Variants in TSPEAR observed in about 807,000 individuals in gnomAD.
TSPEAR encodes thrombospondin type laminin G domain and EAR repeats.
In TSPEAR, 69 loss-of-function variants were observed where a neutral mutation model predicts 71.6. The ratio of observed to expected loss-of-function variants is 0.96; its 90% CI spans 0.79 to 1.18. The LOEUF is 1.18. TSPEAR is among the 50% of genes most tolerant of loss of function. The probability of loss-of-function intolerance (pLI) is 0.00; values close to 1 mark genes in which losing one functional copy is unlikely to be tolerated. For missense variants in TSPEAR, 971 were observed against 894.9 expected (o/e 1.09, Z -1.09); for synonymous variants, 402 against 387.2 (o/e 1.04, Z -0.45).
At chr21:44,510,818 A>C (rs1161873109) in intron 9 of TSPEAR, 3 of 152,312 alleles carry the variant, frequency 2.0e-5, no homozygotes, top group African/African-American at 7.2e-5. Flanking sequence ...AAGCTAAGAA[A>C]GCAAGACTCA....
Position 44,553,081 on chromosome 21 carries a change from C to G in TSPEAR, c.303+14704G>C, listed in dbSNP as rs587709351. On this transcript the variant is annotated intron_variant, in intron 2 of 11. Coordinates refer to ENST00000323084, the MANE Select transcript of TSPEAR (RefSeq NM_144991.3). The stretch of plus-strand genomic sequence containing the variant: ...GCTTCGGTGATCTTAGAAAATGACC[C>G]CCTAGTAGCACTGATGATGAAGCTG... 1.9e-4 allele frequency among the ~76,000 whole-genome samples: 29 copies of G among 152,328 alleles called. No individual in the cohort carries two copies. In the East Asian group the frequency reaches 5.6e-3, roughly 29 times the overall value.
chr21:44,581,417 A>G lies in TSPEAR; in HGVS notation c.83-13412T>C, dbSNP rs950367217. 6.8e-4 allele frequency among the ~76,000 whole-genome samples: 103 copies of G among 152,318 alleles called. 1 individual carries two copies. Among genetic ancestry groups the G allele is most frequent in the Non-Finnish European group, 1.1e-3 (76 of 68,026 alleles). ...TTTTAAGTCAGAATTATTATTATAA[A>G]TAATAACAAAAAATCTGTTTTCTCA... On this transcript the variant is annotated intron_variant, in intron 1 of 11. Transcript: ENST00000323084.
intron 1 of TSPEAR, chr21:44,627,946 C>T (rs201168617): frequency 2.5e-4 from 384 of 1,518,200 alleles, no homozygotes; most frequent in Middle Eastern, 8.7e-4. Flanking sequence ...CTCCCGCCAG[C>T]CCAGCTATTG....
intron 1 of TSPEAR, among the ~76,000 whole-genome samples, chr21:44,626,025 G>A (rs367876765): frequency 6.6e-6 from 1 of 152,182 alleles, no homozygotes; most frequent in Admixed American, 6.5e-5. Context: ...GTGGGGACAG[G>A]TCTGACCCAG....
intron 1 of TSPEAR, among the ~76,000 whole-genome samples, chr21:44,678,394 CCA>C (rs1428449184): frequency 6.6e-6 from 1 of 152,018 alleles, no homozygotes; most frequent in Non-Finnish European, 1.5e-5. Flanking sequence ...CTCACCCCAC[CCA>C]CACTGCTCCA....
intron 6 of TSPEAR, 64 bp from the exon 7 acceptor site, chr21:44,527,582 G>A (rs779833891): frequency 4.9e-5 from 74 of 1,522,386 alleles, no homozygotes; most frequent in Middle Eastern, 3.6e-4. Flanking sequence ...AGCAATCCTC[G>A]CGGGAGCGCG....
rs1569165503 is a variant in TSPEAR, at chr21:44,527,320, G to A, written c.1121C>T (p.Ala374Val). The A allele has an allele frequency of 6.2e-7, 1 of 1,614,192 alleles. No homozygotes were observed. Among genetic ancestry groups the A allele is most frequent in the Admixed American group, 1.7e-5 (1 of 60,028 alleles). ...TTTCCCGATGGTGAAATGCCTCCAG[G>A]CCTGTGCTTGGTGCGTGGGGATGTT... ...YQNIPTHQAQ[A>V]WRHFTIGKKI... is the part of the protein sequence containing the mutation. Residue 374 changes from alanine to valine, a missense_variant, in exon 7 of 12, where the codon GCC becomes GTC. Ala to Val is a moderately conservative substitution (Grantham distance 64). Transcript: ENST00000323084.
At chr21:44,544,786 T>A (rs233323) in intron 2 of TSPEAR, among the ~76,000 whole-genome samples, 33,385 of 151,874 alleles carry the variant, frequency 0.22, 3,789 homozygotes, top group East Asian at 0.38. Flanking sequence ...CGGAGGCTAA[T>A]GAGGAAGCCA....
intron 1 of TSPEAR, among the ~76,000 whole-genome samples, chr21:44,604,294 C>T (rs1981171777): frequency 6.6e-6 from 1 of 152,068 alleles, no homozygotes; most frequent in South Asian, 2.1e-4. Context: ...GACCTTCACC[C>T]ACAGTATGTA....
chr21:44,635,698 G>A (rs114691851), intron 1 of TSPEAR, among the ~76,000 whole-genome samples: 1,625 of 152,276 alleles, frequency 0.011, 33 homozygotes, highest in African/African-American at 0.036. Context: ...CTTCGGGAGC[G>A]ATGATAGTAT....
chr21:44,571,063 C>A (rs1480270977), intron 1 of TSPEAR, among the ~76,000 whole-genome samples: 2 of 152,212 alleles, frequency 1.3e-5, no homozygotes, highest in Non-Finnish European at 2.9e-5. Flanking sequence ...AATTCTACAT[C>A]ATCTCTTTCA....
rs2052210315 is a variant in TSPEAR, at chr21:44,506,681, C to T, written c.1755-1800G>A. Reference sequence around the variant, plus strand: ...GCTCGCTGGGAGGAGGACGAGGACGCCTGTGATCACATGCTCTGGTCTGGA... The same window carrying T: ...GCTCGCTGGGAGGAGGACGAGGACGTCTGTGATCACATGCTCTGGTCTGGA... On this transcript the variant is annotated intron_variant, in intron 10 of 11. Transcript: ENST00000323084. This position sits in a 1 kb window ranked among gnomAD's most constrained non-coding sequence, Gnocchi z 4.2. 2 of 152,430 alleles carry T rather than the reference C, an allele frequency of 1.3e-5. No homozygotes were observed. Among genetic ancestry groups the T allele is most frequent in the African/African-American group, 4.8e-5 (2 of 41,592 alleles). 9.4% of individuals were successfully genotyped at this position (152,430 alleles called of 1,614,324 possible). A position where few individuals can be genotyped will look rare whatever the true frequency, so the allele number is the denominator to read the frequency against.
chr21:44,602,520 G>A (rs1043438220), intron 1 of TSPEAR, among the ~76,000 whole-genome samples: 3 of 152,060 alleles, frequency 2.0e-5, no homozygotes, highest in Non-Finnish European at 4.4e-5. Flanking sequence ...CCCGCTGGCC[G>A]GGCTGGCCCT....
chr21:44,538,230 C>T (rs587655653), intron 2 of TSPEAR, among the ~76,000 whole-genome samples: 20 of 152,244 alleles, frequency 1.3e-4, no homozygotes, highest in South Asian at 6.2e-4. Flanking sequence ...CCCAGGGTGG[C>T]GGAGCCCCAT....
chr21:44,702,158 T>C, intron 1 of TSPEAR: 9 of 1,373,964 alleles, frequency 6.6e-6, no homozygotes, highest in South Asian at 2.6e-5. Context: ...ACTGAAGCGA[T>C]GGAGCAGAGA....
Position 44,601,685 on chromosome 21 carries a change from C to G in TSPEAR, c.83-33680G>C, listed in dbSNP as rs138554312. The stretch of plus-strand genomic sequence containing the variant: ...TCTCTCCTTTGCCGCCCCGCATGCT[C>G]CCGCCCGGCCTGCTGTGGCCCCACC... On this transcript the variant is annotated intron_variant, in intron 1 of 11. Transcript: ENST00000323084. 8,671 of 1,612,552 alleles carry G rather than the reference C, an allele frequency of 5.4e-3. 43 individuals carry two copies. The highest frequency in any genetic ancestry group is 6.1e-3 in the Middle Eastern group (37 of 6,052).
chr21:44,550,082 C>T (rs1185055981), intron 2 of TSPEAR, among the ~76,000 whole-genome samples: 1 of 152,268 alleles, frequency 6.6e-6, no homozygotes, highest in East Asian at 1.9e-4. Flanking sequence ...GGAGCTGCTT[C>T]TACCCACAGT....
At chr21:44,626,438 G>A (rs587768704) in intron 1 of TSPEAR, among the ~76,000 whole-genome samples, 1 of 152,348 alleles carries the variant, frequency 6.6e-6, no homozygotes, top group African/African-American at 2.4e-5. Flanking sequence ...GCAGTGGCGA[G>A]GGCTGGCGGC....
rs760178085 is a variant in TSPEAR, at chr21:44,630,577, C to A, written c.83-62572G>T. On this transcript the variant is annotated intron_variant, in intron 1 of 11. Transcript: ENST00000323084. ...AGACCTGAGAGGCTCTCAGTGCTCA[C>A]CTCTGGCTGAACTGCAGGCTCTGAG... Among the ~76,000 whole-genome samples, 57 of 151,994 alleles carry A rather than the reference C, an allele frequency of 3.8e-4. 1 individual carries two copies. Among genetic ancestry groups the A allele is most frequent in the Admixed American group, 3.5e-3 (54 of 15,260 alleles).
Sources: allele counts gnomAD v4.1 joint callset (sites outside exome capture counted in the v4.1 genomes callset), GRCh38; gene constraint gnomAD v4.1.1; non-coding constraint Gnocchi (gnomAD v3.1); transcripts MANE v1.5; gene names NCBI Gene and HGNC (gene_info 2026-07-23, HGNC 2026-07-21).